Variants in MRPS28 observed in about 807,000 individuals in gnomAD.
The protein encoded by MRPS28 is mitochondrial ribosomal protein S28.
A neutral mutation model predicts 10.8 loss-of-function variants in MRPS28; 7 were observed. The observed-to-expected ratio is 0.65, with a 90% CI of 0.37 to 1.22. The LOEUF is 1.22. MRPS28 is among the 50% of genes most tolerant of loss of function. The probability of loss-of-function intolerance (pLI) is 0.02; values close to 1 mark genes in which losing one functional copy is unlikely to be tolerated. For synonymous variants in MRPS28, 121 were observed against 93.3 expected (o/e 1.30, Z -1.71); for missense variants, 265 against 232.9 (o/e 1.14, Z -0.90).
intron 2 of MRPS28, among the ~76,000 whole-genome samples, chr8:79,988,399 G>A (rs1284448318): frequency 6.6e-6 from 1 of 150,822 alleles, no homozygotes; most frequent in East Asian, 1.9e-4. Flanking sequence ...TTGTGCACAT[G>A]TACCCTAAAA....
intron 1 of MRPS28, among the ~76,000 whole-genome samples, chr8:80,010,996 A>C (rs554582017): frequency 6.6e-6 from 1 of 152,376 alleles, no homozygotes; most frequent in Admixed American, 6.5e-5. Context: ...TTAAACAAGC[A>C]CTTTGAAAAT....
At chr8:80,024,785 T>G (rs1809456719) in intron 1 of MRPS28, among the ~76,000 whole-genome samples, 2 of 152,212 alleles carry the variant, frequency 1.3e-5, no homozygotes, top group African/African-American at 4.8e-5. Flanking sequence ...GAGGGTGGAC[T>G]GAAAATGGCC....
At chr8:79,988,714 A>C (rs1042490395) in intron 2 of MRPS28, among the ~76,000 whole-genome samples, 6 of 152,204 alleles carry the variant, frequency 3.9e-5, no homozygotes, top group Admixed American at 1.3e-4. Flanking sequence ...GCTCCAAAAT[A>C]AGCCTTTTTG....
intron 1 of MRPS28, among the ~76,000 whole-genome samples, chr8:80,012,065 A>G (rs1809066787): frequency 1.3e-5 from 2 of 152,172 alleles, no homozygotes; most frequent in African/African-American, 4.8e-5. Flanking sequence ...TAAACTTTAT[A>G]AAGTTATAGT....
intron 2 of MRPS28, among the ~76,000 whole-genome samples, chr8:79,970,082 G>C (rs1391784368): frequency 6.6e-6 from 1 of 152,134 alleles, no homozygotes; most frequent in Non-Finnish European, 1.5e-5. Context: ...ATTCCAACAA[G>C]TTCCATGATA....
At chr8:79,998,909 A>G (rs527950387) in intron 2 of MRPS28, among the ~76,000 whole-genome samples, 1 of 152,384 alleles carries the variant, frequency 6.6e-6, no homozygotes, top group African/African-American at 2.4e-5. Flanking sequence ...TTATTAAAAG[A>G]AACAATAAAA....
Position 79,958,656 on chromosome 8 carries a change from A to C in MRPS28, c.396-39508T>G, listed in dbSNP as rs77021687. Among the ~76,000 whole-genome samples the C allele has an allele frequency of 6.0e-3, 910 of 152,288 alleles. 8 individuals carry two copies. The highest frequency in any genetic ancestry group is 0.021 in the African/African-American group (870 of 41,570). ...TCAACACAAAGTGATTTAGCGATTTAGTGAATGACCACTGCCCTGATATTC... is the reference window on the plus strand; with the variant it reads ...TCAACACAAAGTGATTTAGCGATTTCGTGAATGACCACTGCCCTGATATTC... On this transcript the variant is annotated intron_variant, in intron 2 of 2. Coordinates refer to ENST00000276585, the MANE Select transcript of MRPS28 (RefSeq NM_014018.3).
At chr8:80,021,150 G>A (rs551218865) in intron 1 of MRPS28, among the ~76,000 whole-genome samples, 1 of 151,912 alleles carries the variant, frequency 6.6e-6, no homozygotes, top group Non-Finnish European at 1.5e-5. Context: ...CTACAGGCAT[G>A]AGCCACCATG....
intron 2 of MRPS28, among the ~76,000 whole-genome samples, chr8:79,923,200 T>G (rs1810139623): frequency 6.6e-6 from 1 of 152,152 alleles, no homozygotes; most frequent in South Asian, 2.1e-4. Context: ...ACTAGAGATA[T>G]CCTCCATGTT....
In MRPS28 at chr8:80,008,303, C is replaced by T. The variant is rs1375767695; in HGVS notation, c.214-5123G>A. Among the ~76,000 whole-genome samples the T allele has an allele frequency of 2.0e-5, 3 of 152,104 alleles. No individual in the cohort carries two copies. In the East Asian group the frequency reaches 5.8e-4, roughly 29 times the overall value. ...TGGATTAAAGACTTAAATGTTAGACCTAAAACCATAAAAACCCTAGAAGAA... is the reference window on the plus strand; with the variant it reads ...TGGATTAAAGACTTAAATGTTAGACTTAAAACCATAAAAACCCTAGAAGAA... On this transcript the variant is annotated intron_variant, in intron 1 of 2. Coordinates refer to ENST00000276585, the MANE Select transcript of MRPS28 (RefSeq NM_014018.3).
intron 2 of MRPS28, among the ~76,000 whole-genome samples, chr8:79,919,905 G>T (rs551266433): frequency 1.3e-5 from 2 of 151,080 alleles, no homozygotes; most frequent in South Asian, 4.2e-4. Flanking sequence ...CCATTAACTC[G>T]TCATTTACGT....
At chr8:79,995,366 T>C (rs1309071456) in intron 2 of MRPS28, among the ~76,000 whole-genome samples, 1 of 152,250 alleles carries the variant, frequency 6.6e-6, no homozygotes, top group Non-Finnish European at 1.5e-5. Context: ...AGCAATTCTT[T>C]GGGCTTAACA....
At chr8:79,964,467 CT>C in intron 2 of MRPS28, among the ~76,000 whole-genome samples, 1 of 152,102 alleles carries the variant, frequency 6.6e-6, no homozygotes, top group Non-Finnish European at 1.5e-5. Context: ...AGCTCAATTG[CT>C]AAATGAAATG....
At chr8:79,958,955 A>G (rs1416232094) in intron 2 of MRPS28, among the ~76,000 whole-genome samples, 1 of 152,120 alleles carries the variant, frequency 6.6e-6, no homozygotes, top group East Asian at 1.9e-4. Flanking sequence ...CTAGTTTTGG[A>G]GACTATATGA....
intron 2 of MRPS28, among the ~76,000 whole-genome samples, chr8:79,984,512 G>A (rs1370530480): frequency 3.3e-5 from 5 of 152,310 alleles, no homozygotes; most frequent in African/African-American, 9.6e-5. Context: ...CCATCAGTGC[G>A]CTGTATTCAG....
chr8:79,925,213 C>T (rs1354172775), intron 2 of MRPS28, among the ~76,000 whole-genome samples: 1 of 151,058 alleles, frequency 6.6e-6, no homozygotes, highest in African/African-American at 2.4e-5. Flanking sequence ...ATAATTTTTG[C>T]TACCTGAGTT....
intron 2 of MRPS28, among the ~76,000 whole-genome samples, chr8:79,923,914 T>C (rs1349599568): frequency 6.6e-6 from 1 of 152,212 alleles, no homozygotes; most frequent in Admixed American, 6.5e-5. Context: ...TTTAAAGACT[T>C]TCCTTTGGAG....
chr8:79,951,024 G>A (rs1807064742), intron 2 of MRPS28, among the ~76,000 whole-genome samples: 1 of 152,106 alleles, frequency 6.6e-6, no homozygotes, highest in Admixed American at 6.6e-5. Flanking sequence ...TATTTTTCAG[G>A]AGAGGCTGGC....
At chr8:80,026,313 TACTAAA>T (rs1256398775) in intron 1 of MRPS28, among the ~76,000 whole-genome samples, 2 of 152,186 alleles carry the variant, frequency 1.3e-5, no homozygotes, top group African/African-American at 2.4e-5. Flanking sequence ...TTCCAGTAAA[TACTAAA>T]ACTAAAACTA....
Sources: allele counts gnomAD v4.1 joint callset (sites outside exome capture counted in the v4.1 genomes callset), GRCh38; gene constraint gnomAD v4.1.1; transcripts MANE v1.5; gene names NCBI Gene and HGNC (gene_info 2026-07-23, HGNC 2026-07-21).